ITGAE: variants seen among roughly 807,000 people sequenced by gnomAD.
The protein encoded by ITGAE is integrin alpha-E.
ITGAE carries 99 observed loss-of-function variants against 136.5 expected under a neutral mutation model. The ratio of observed to expected loss-of-function variants is 0.73; its 90% CI spans 0.62 to 0.86. The LOEUF is 0.86. Among genes scored for constraint, ITGAE ranks in the 40% least tolerant of loss-of-function variants. The pLI, the probability that ITGAE is intolerant of heterozygous loss-of-function variation, is 0.00. For missense variants in ITGAE, 1,447 were observed against 1,515.3 expected, an observed-to-expected ratio of 0.95 and a Z score of 0.75; for synonymous variants, 613 against 591.8, an observed-to-expected ratio of 1.04 and a Z score of -0.52.
chr17:3,796,561 G>C (rs1419891047), intron 1 of ITGAE, among the ~76,000 whole-genome samples: 1 of 152,110 alleles, frequency 6.6e-6, no homozygotes, highest in Admixed American at 6.5e-5. Flanking sequence ...AGGTTGGAGA[G>C]AGTTATAACC....
At chr17:3,774,782 G>A (rs1828855632) in intron 2 of ITGAE, among the ~76,000 whole-genome samples, 1 of 151,854 alleles carries the variant, frequency 6.6e-6, no homozygotes, top group South Asian at 2.1e-4. Context: ...TAAATAATAG[G>A]TAAAGAAATA....
intron 3 of ITGAE, among the ~76,000 whole-genome samples, chr17:3,763,528 T>C (rs80155659): frequency 6.9e-4 from 105 of 152,302 alleles, no homozygotes; most frequent in African/African-American, 2.4e-3. Context: ...CCAAAAGACC[T>C]ACATTCTCTG....
intron 2 of ITGAE, among the ~76,000 whole-genome samples, chr17:3,774,244 TGA>T (rs1204902683): frequency 1.3e-5 from 2 of 152,050 alleles, no homozygotes; most frequent in African/African-American, 4.8e-5. Flanking sequence ...CCTTGACCAC[TGA>T]CCAGGAGCAA....
chr17:3,714,919 A>G lies in ITGAE; in HGVS notation c.3468T>C (p.Tyr1156=). The change falls in exon 31 of 31, where the codon TAT becomes TAC. Residue 1156 remains tyrosine, a synonymous_variant. Transcript: ENST00000263087. ...TGATGCTCTCCAAGTTCAGTTGTTGATATTTTCTTTTAAAAAAGCCACACT... is the reference window on the plus strand; with the variant it reads ...TGATGCTCTCCAAGTTCAGTTGTTGGTATTTTCTTTTAAAAAAGCCACACT... ...LFKCGFFKRK[Y]QQLNLESIRK... is the part of the protein sequence containing the mutation. 6.2e-7 allele frequency: 1 copy of G among 1,607,764 alleles called. No individual in the cohort carries two copies. Among genetic ancestry groups the G allele is most frequent in the South Asian group, 1.1e-5 (1 of 90,854 alleles).
Position 3,745,956 on chromosome 17 carries a change from G to A in ITGAE, c.2156-29C>T, listed in dbSNP as rs374477508. The A allele has an allele frequency of 4.4e-6, 7 of 1,603,902 alleles. No homozygotes were observed. In the African/African-American group the frequency reaches 6.7e-5, roughly 15 times the overall value. ...GGAATGAAGACCAGACCTTCCCGAT[G>A]AGGTGGGGATGAGCCAGCCGCAGAC... is the stretch of plus-strand genomic sequence containing the variant. On this transcript the variant is annotated intron_variant, in intron 17 of 30. Coordinates refer to ENST00000263087, the MANE Select transcript of ITGAE (RefSeq NM_002208.5).
At chr17:3,773,431 C>T (rs1042713040) in intron 2 of ITGAE, among the ~76,000 whole-genome samples, 2 of 151,960 alleles carry the variant, frequency 1.3e-5, no homozygotes, top group South Asian at 2.1e-4. Context: ...TTGCAGTGAG[C>T]CGAGAGCATG....
At position 3,774,492 on chromosome 17, in the gene ITGAE, G is replaced by A. The variant is rs563637867; in HGVS notation, c.155+3048C>T. ...TAGAAGTCATTTTGGGGCCAGGTGC[G>A]GTGGCTCATGCCTGTAATCCCAGCA... On this transcript the variant is annotated intron_variant, in intron 2 of 30. Transcript: ENST00000263087. 1.8e-4 allele frequency among the ~76,000 whole-genome samples: 28 copies of A among 152,260 alleles called. No homozygotes were observed. In the South Asian group the frequency reaches 5.4e-3, roughly 29 times the overall value.
Position 3,761,904 on chromosome 17 carries a change from C to T in ITGAE, c.315+11G>A, listed in dbSNP as rs750321145. ...CCCTAAGGCCCTCCCTCCTCTCGCTCCTGCACTCACCAAAACACCGTGGTG... is the reference window on the plus strand; with the variant it reads ...CCCTAAGGCCCTCCCTCCTCTCGCTTCTGCACTCACCAAAACACCGTGGTG... On this transcript the variant is annotated intron_variant, in intron 4 of 30. Transcript: ENST00000263087. 3.1e-6 allele frequency: 5 copies of T among 1,613,158 alleles called. No individual in the cohort carries two copies. The highest frequency in any genetic ancestry group is 4.2e-6 in the Non-Finnish European group (5 of 1,179,310).
At chr17:3,727,592 G>A (rs1217310262) in intron 26 of ITGAE, among the ~76,000 whole-genome samples, 2 of 151,938 alleles carry the variant, frequency 1.3e-5, no homozygotes, top group African/African-American at 4.8e-5. Context: ...GTAGAGACGG[G>A]GTTTCACCGT....
intron 26 of ITGAE, chr17:3,726,551 G>C: frequency 1.8e-6 from 1 of 548,838 alleles, no homozygotes; most frequent in South Asian, 2.6e-5. Context: ...AAACTAGCCG[G>C]GCACAGTGGC....
chr17:3,745,729 C>G lies in ITGAE; in HGVS notation c.2319+35G>C, dbSNP rs1354969981. On this transcript the variant is annotated intron_variant, in intron 18 of 30. Transcript: ENST00000263087. Reference sequence around the variant, plus strand: ...TCAAATCCTTTCTCAATGACAAAGACCCCTCCTGACTCCCATCCAAACTCC... The same window carrying G: ...TCAAATCCTTTCTCAATGACAAAGAGCCCTCCTGACTCCCATCCAAACTCC... 2.5e-6 allele frequency: 4 copies of G among 1,603,146 alleles called. No individual in the cohort carries two copies. In the South Asian group the frequency reaches 3.3e-5, roughly 13 times the overall value.
chr17:3,729,599 T>C (rs1332117881), intron 23 of ITGAE, 44 bp from the exon 24 acceptor site: 13 of 1,208,846 alleles, frequency 1.1e-5, no homozygotes, highest in Middle Eastern at 3.8e-4. Flanking sequence ...GCTTTGTACA[T>C]AGCAAGTGCT....
chr17:3,755,368 G>A, intron 11 of ITGAE, 107 bp from the exon 12 acceptor site: 1 of 1,329,564 alleles, frequency 7.5e-7, no homozygotes, highest in Non-Finnish European at 9.9e-7. Context: ...GGGAGCAGGG[G>A]GGCGTTCGGT....
rs751952777 is a variant in ITGAE, at chr17:3,761,012, C to G, written c.598+1G>C. ...AGCAACCCAGATCTGCCTCTTCTCA[C>G]CAGCTTCCTCCTCCTCCTCGTCTTC... On this transcript the variant is annotated splice_donor_variant, in intron 6 of 30. Coordinates refer to ENST00000263087, the MANE Select transcript of ITGAE (RefSeq NM_002208.5). LOFTEE classifies it high-confidence loss of function. 1.3e-6 allele frequency: 2 copies of G among 1,598,834 alleles called. No homozygotes were observed. The highest frequency in any genetic ancestry group is 1.7e-6 in the Non-Finnish European group (2 of 1,178,750).
intron 26 of ITGAE, chr17:3,726,054 G>T (rs756196178): frequency 6.2e-7 from 1 of 1,614,044 alleles, no homozygotes. Context: ...CGTTTCCATG[G>T]ATGAGGACCT....
chr17:3,714,663 G>A lies in ITGAE; in HGVS notation c.*184C>T, dbSNP rs1288715962. The A allele has an allele frequency of 2.2e-6, 1 of 449,808 alleles. No individual in the cohort carries two copies. Among genetic ancestry groups the A allele is most frequent in the Non-Finnish European group, 3.9e-6 (1 of 256,352 alleles). The allele number at this position is 449,808 out of a possible 1,614,324, so 27.9% of individuals were successfully genotyped here. A position where few individuals can be genotyped will look rare whatever the true frequency, so the allele number is the denominator to read the frequency against. Reference sequence around the variant, plus strand: ...AGTGTAAATTTATTTAATACCAAATGTTTCCTAAGTTTACTTTTTGCACAA... The same window carrying A: ...AGTGTAAATTTATTTAATACCAAATATTTCCTAAGTTTACTTTTTGCACAA... On this transcript the variant is annotated 3_prime_UTR_variant, in exon 31 of 31. Coordinates refer to ENST00000263087, the MANE Select transcript of ITGAE (RefSeq NM_002208.5).
In ITGAE at chr17:3,777,537, C is replaced by G. The variant is rs1462737801; in HGVS notation, c.155+3G>C. Reference sequence around the variant, plus strand: ...AGGCCTCTTGCCCACCGGCCCTACTCACCAGGTCTGGTTGGTGCTGGGGTC... The same window carrying G: ...AGGCCTCTTGCCCACCGGCCCTACTGACCAGGTCTGGTTGGTGCTGGGGTC... On this transcript the variant is annotated splice_donor_region_variant and intron_variant, in intron 2 of 30. Transcript: ENST00000263087. 6.2e-7 allele frequency: 1 copy of G among 1,610,786 alleles called. No individual in the cohort carries two copies. Among genetic ancestry groups the G allele is most frequent in the African/African-American group, 1.3e-5 (1 of 74,946 alleles).
chr17:3,800,202 C>T (rs568534233), intron 1 of ITGAE, among the ~76,000 whole-genome samples: 1 of 152,326 alleles, frequency 6.6e-6, no homozygotes, highest in South Asian at 2.1e-4. Context: ...CACATTGTGG[C>T]CTGCTTCCTG....
chr17:3,760,430 CTTTTTTTTTT>C (rs1208333239), intron 6 of ITGAE, 143 bp from the exon 7 acceptor site: 26 of 64,216 alleles, frequency 4.0e-4, no homozygotes, highest in Middle Eastern at 0.024. Context: ...AAGAGGGAAG[CTTTTTTTTTT>C]TTTTTTTTTT....
Sources: gnomAD v4.1 joint callset for allele counts (sites outside exome capture counted in the v4.1 genomes callset) on GRCh38, gnomAD v4.1.1 for gene constraint, MANE v1.5 for transcripts, NCBI Gene and HGNC (gene_info 2026-07-23, HGNC 2026-07-21) for gene names.